SUGCT: variants seen among roughly 807,000 people sequenced by gnomAD.
SUGCT encodes the protein succinyl-CoA:glutarate-CoA transferase.
Under a neutral mutation model 55.0 loss-of-function variants are expected in SUGCT, and 41 were observed. The ratio of observed to expected loss-of-function variants is 0.74; its 90% CI spans 0.58 to 0.97. The LOEUF is 0.97. Ranked by LOEUF, SUGCT falls within the 50% of genes least tolerant of loss-of-function variation. SUGCT has a pLI of 0.00. For synonymous variants in SUGCT, 187 were observed against 200.4 expected, an observed-to-expected ratio of 0.93 and a Z score of 0.56; for missense variants, 568 against 547.8, an observed-to-expected ratio of 1.04 and a Z score of -0.37.
At chr7:40,266,185 C>CATTT in intron 7 of SUGCT, among the ~76,000 whole-genome samples, 1 of 116,812 alleles carries the variant, frequency 8.6e-6, no homozygotes, top group Non-Finnish European at 1.7e-5. Context: ...CTTTCCTTTC[C>CATTT]TTTTTTTTTT....
intron 12 of SUGCT, among the ~76,000 whole-genome samples, chr7:40,605,327 G>C (rs560509427): frequency 9.2e-5 from 14 of 152,132 alleles, no homozygotes; most frequent in African/African-American, 3.1e-4. Flanking sequence ...CAAAGTGTAC[G>C]TCTTTATGTT....
At chr7:40,321,260 A>G (rs188379267) in intron 9 of SUGCT, among the ~76,000 whole-genome samples, 2 of 151,956 alleles carry the variant, frequency 1.3e-5, no homozygotes, top group Non-Finnish European at 2.9e-5. Flanking sequence ...TACTTTTAGT[A>G]GAGACAGGGT....
chr7:41,033,206 C>A, the SUGCT span, among the ~76,000 whole-genome samples: 1 of 152,218 alleles, frequency 6.6e-6, no homozygotes, highest in African/African-American at 2.4e-5. Flanking sequence ...GAGGGGACAT[C>A]TGAATACTCA....
chr7:40,897,946 A>G, the SUGCT span, among the ~76,000 whole-genome samples: 1 of 152,170 alleles, frequency 6.6e-6, no homozygotes, highest in Non-Finnish European at 1.5e-5. Flanking sequence ...GGATGGGGCC[A>G]GATAAGAGAA....
At chr7:40,458,109 G>A (rs1789585481) in intron 10 of SUGCT, among the ~76,000 whole-genome samples, 1 of 152,156 alleles carries the variant, frequency 6.6e-6, no homozygotes, top group African/African-American at 2.4e-5. Context: ...TCACTTCTCT[G>A]TCCTTTGTAA....
chr7:40,382,569 T>C (rs1365874301), intron 9 of SUGCT, among the ~76,000 whole-genome samples: 1 of 152,174 alleles, frequency 6.6e-6, no homozygotes, highest in Non-Finnish European at 1.5e-5. Context: ...CTCTTACCTT[T>C]AACTCATAAT....
chr7:40,863,260 A>G (rs1794526292), downstream of SUGCT, among the ~76,000 whole-genome samples: 1 of 152,130 alleles, frequency 6.6e-6, no homozygotes, highest in Non-Finnish European at 1.5e-5. Flanking sequence ...TATACAGGCT[A>G]GTTCATACCA....
At chr7:40,970,688 GA>G in the SUGCT span, among the ~76,000 whole-genome samples, 4 of 152,190 alleles carry the variant, frequency 2.6e-5, no homozygotes, top group Non-Finnish European at 5.9e-5. Flanking sequence ...AGACTCCAAA[GA>G]AGGAATTCAA....
chr7:40,579,679 A>C (rs1796967861), intron 12 of SUGCT, among the ~76,000 whole-genome samples: 1 of 152,224 alleles, frequency 6.6e-6, no homozygotes, highest in Non-Finnish European at 1.5e-5. Context: ...GTCAGGAGAC[A>C]GTGTAATGCT....
chr7:40,161,345 C>T (rs912082183), intron 1 of SUGCT, among the ~76,000 whole-genome samples: 2 of 152,188 alleles, frequency 1.3e-5, no homozygotes, highest in Non-Finnish European at 2.9e-5. Context: ...AATATCTAAA[C>T]TATTCCATGG....
chr7:40,816,631 T>C (rs1791683939), intron 13 of SUGCT, among the ~76,000 whole-genome samples: 1 of 152,228 alleles, frequency 6.6e-6, no homozygotes, highest in South Asian at 2.1e-4. Flanking sequence ...GAATGAAAGT[T>C]CACAGAGTTG....
At chr7:40,637,770 T>C (rs1033186522) in intron 12 of SUGCT, among the ~76,000 whole-genome samples, 1 of 152,222 alleles carries the variant, frequency 6.6e-6, no homozygotes, top group Non-Finnish European at 1.5e-5. Flanking sequence ...TTGGTTATTA[T>C]GCTAACAGCA....
chr7:40,364,984 C>G (rs575119466), intron 9 of SUGCT, among the ~76,000 whole-genome samples: 1 of 152,266 alleles, frequency 6.6e-6, no homozygotes, highest in African/African-American at 2.4e-5. Context: ...GACCAATATC[C>G]TTGATGAACA....
At chr7:41,038,522 AC>A in the SUGCT span, among the ~76,000 whole-genome samples, 1 of 151,930 alleles carries the variant, frequency 6.6e-6, no homozygotes, top group Non-Finnish European at 1.5e-5. Flanking sequence ...TATACCCAGT[AC>A]CCCCAGTACC....
chr7:40,886,756 T>C, the SUGCT span, among the ~76,000 whole-genome samples: 1 of 152,242 alleles, frequency 6.6e-6, no homozygotes, highest in African/African-American at 2.4e-5. Flanking sequence ...ATACCCATGT[T>C]GGTATGCAGT....
chr7:40,174,303 G>A (rs6957766), intron 1 of SUGCT, among the ~76,000 whole-genome samples: 77,494 of 151,952 alleles, frequency 0.51, 20,168 homozygotes, highest in Middle Eastern at 0.65. Flanking sequence ...GATTACAGGC[G>A]TGAGCCAGCA....
At chr7:40,556,130 C>G (rs1467199930) in intron 12 of SUGCT, among the ~76,000 whole-genome samples, 1 of 152,138 alleles carries the variant, frequency 6.6e-6, no homozygotes, top group Non-Finnish European at 1.5e-5. Flanking sequence ...GCCCAGATCC[C>G]TTGAGTCCAC....
chr7:40,735,824 G>A (rs1315862712), intron 12 of SUGCT, among the ~76,000 whole-genome samples: 1 of 152,060 alleles, frequency 6.6e-6, no homozygotes, highest in African/African-American at 2.4e-5. Flanking sequence ...TTTTTCTGGG[G>A]CTAGGAGATG....
chr7:40,827,668 C>T (rs913740900), intron 13 of SUGCT, among the ~76,000 whole-genome samples: 1 of 152,192 alleles, frequency 6.6e-6, no homozygotes, highest in Non-Finnish European at 1.5e-5. Flanking sequence ...GGGCCTGATC[C>T]TCTCCTTGTC....
Sources: allele counts gnomAD v4.1 joint callset (sites outside exome capture counted in the v4.1 genomes callset), GRCh38; gene constraint gnomAD v4.1.1; transcripts MANE v1.5; gene names NCBI Gene and HGNC (gene_info 2026-07-23, HGNC 2026-07-21).